Variants in NNT observed in about 807,000 individuals in gnomAD.
The protein encoded by NNT is nicotinamide nucleotide transhydrogenase.
NNT carries 50 observed loss-of-function variants against 104.8 expected under a neutral mutation model. The observed-to-expected ratio is 0.48, with a 90% CI of 0.38 to 0.60. The LOEUF (loss-of-function observed/expected upper bound fraction) is 0.60. Ranked by LOEUF, NNT falls within the 20% of genes least tolerant of loss-of-function variation. The probability of loss-of-function intolerance (pLI) is 0.00; values close to 1 mark genes in which losing one functional copy is unlikely to be tolerated. For synonymous variants in NNT, 461 were observed against 490.4 expected (o/e 0.94, Z 0.79); for missense variants, 1,131 against 1,330.7 (o/e 0.85, Z 2.33).
intron 9 of NNT, 106 bp from the exon 10 acceptor site, chr5:43,645,251 A>C (rs1739321146): frequency 5.4e-6 from 3 of 551,778 alleles, no homozygotes; most frequent in South Asian, 6.6e-5. Context: ...TATTTACATA[A>C]AATTATATTT....
chr5:43,610,365 C>T (rs77242286), intron 2 of NNT, among the ~76,000 whole-genome samples: 3,491 of 152,180 alleles, frequency 0.023, 56 homozygotes, highest in Non-Finnish European at 0.033. Flanking sequence ...GTCACTTCAC[C>T]TCACTGTCCA....
At chr5:43,702,476 G>T in intron 20 of NNT, 145 bp from the exon 21 acceptor site, 1 of 529,032 alleles carries the variant, frequency 1.9e-6, no homozygotes, top group African/African-American at 2.0e-5. Context: ...CTCTGATAAA[G>T]TTCTTTGTAA....
At chr5:43,663,461 A>G (rs1447037748) in intron 17 of NNT, among the ~76,000 whole-genome samples, 2 of 152,210 alleles carry the variant, frequency 1.3e-5, no homozygotes, top group African/African-American at 4.8e-5. Flanking sequence ...CAAGCCTGTC[A>G]TATTTTTCGA....
At chr5:43,645,531 G>T in intron 10 of NNT, 21 bp downstream of exon 10, 2 of 1,436,510 alleles carry the variant, frequency 1.4e-6, no homozygotes, top group East Asian at 2.7e-5. Flanking sequence ...CATTTACCAG[G>T]GTTTAGTCTT....
intron 7 of NNT, among the ~76,000 whole-genome samples, chr5:43,634,477 C>T (rs1232501666): frequency 6.6e-6 from 1 of 152,122 alleles, no homozygotes; most frequent in Admixed American, 6.5e-5. Context: ...ATTCTGTATG[C>T]ATTATGATCA....
intron 19 of NNT, among the ~76,000 whole-genome samples, chr5:43,691,904 T>C (rs1742304506): frequency 6.6e-6 from 1 of 152,232 alleles, no homozygotes; most frequent in Admixed American, 6.5e-5. Flanking sequence ...TAAAATATTG[T>C]CAGTACCTGT....
chr5:43,622,866 T>A (rs1378899126), intron 5 of NNT, among the ~76,000 whole-genome samples: 1 of 122,172 alleles, frequency 8.2e-6, no homozygotes, highest in Non-Finnish European at 1.8e-5. Context: ...TAAATTATGG[T>A]TTTTTTTTTT....
At chr5:43,651,960 C>A in intron 13 of NNT, 76 bp downstream of exon 13, 1 of 1,468,216 alleles carries the variant, frequency 6.8e-7, no homozygotes, top group Non-Finnish European at 9.4e-7. Flanking sequence ...GTTAGTTATC[C>A]TAATTCAAAG....
At chr5:43,688,976 A>G (rs990160254) in intron 19 of NNT, among the ~76,000 whole-genome samples, 4 of 152,356 alleles carry the variant, frequency 2.6e-5, no homozygotes, top group African/African-American at 7.2e-5. Context: ...CACACTGTTT[A>G]CCATAGTGTA....
At chr5:43,693,712 A>T (rs1435567866) in intron 19 of NNT, among the ~76,000 whole-genome samples, 1 of 152,210 alleles carries the variant, frequency 6.6e-6, no homozygotes, top group Non-Finnish European at 1.5e-5. Context: ...AGAATTAAAA[A>T]AAAATTAACT....
At chr5:43,606,117 G>C (rs1749214736) in intron 1 of NNT, among the ~76,000 whole-genome samples, 1 of 152,160 alleles carries the variant, frequency 6.6e-6, no homozygotes, top group Non-Finnish European at 1.5e-5. Flanking sequence ...CAGTAAGTGA[G>C]TGGCAGATTT....
intron 16 of NNT, among the ~76,000 whole-genome samples, chr5:43,658,732 C>T (rs1740191453): frequency 6.6e-6 from 1 of 152,186 alleles, no homozygotes; most frequent in Admixed American, 6.5e-5. Flanking sequence ...TATTACTTTC[C>T]AGCTGCCTTA....
At chr5:43,669,754 T>G (rs1406319235) in intron 17 of NNT, among the ~76,000 whole-genome samples, 1 of 152,208 alleles carries the variant, frequency 6.6e-6, no homozygotes, top group Non-Finnish European at 1.5e-5. Context: ...TTTTTTGTTG[T>G]GTCTCTGTCA....
chr5:43,622,769 C>CT (rs1357172885), intron 5 of NNT, among the ~76,000 whole-genome samples: 2 of 152,068 alleles, frequency 1.3e-5, no homozygotes, highest in African/African-American at 2.4e-5. Context: ...CTCTTACTCA[C>CT]TGTGTCTTTT....
At chr5:43,700,086 G>A (rs1475081136) in intron 19 of NNT, 33 bp from the exon 20 acceptor site, 1 of 1,559,084 alleles carries the variant, frequency 6.4e-7, no homozygotes, top group Non-Finnish European at 8.8e-7. Flanking sequence ...GTCCTGTCAA[G>A]TAAGGCCAGC....
intron 1 of NNT, among the ~76,000 whole-genome samples, chr5:43,606,285 C>T (rs1027885694): frequency 6.6e-6 from 1 of 152,194 alleles, no homozygotes; most frequent in Non-Finnish European, 1.5e-5. Flanking sequence ...GAGTAGGTCA[C>T]TCAGTAATGG....
At chr5:43,623,054 C>T (rs1750179412) in intron 5 of NNT, among the ~76,000 whole-genome samples, 1 of 151,906 alleles carries the variant, frequency 6.6e-6, no homozygotes, top group South Asian at 2.1e-4. Flanking sequence ...CTCTTTGCCC[C>T]ATTTCCTATA....
At chr5:43,659,942 G>A (rs1740267284) in intron 17 of NNT, among the ~76,000 whole-genome samples, 2 of 152,070 alleles carry the variant, frequency 1.3e-5, no homozygotes, top group South Asian at 2.1e-4. Flanking sequence ...GCATATCTGT[G>A]TATTTACTTG....
chr5:43,606,644 A>T (rs963629888), intron 1 of NNT, among the ~76,000 whole-genome samples: 9 of 152,160 alleles, frequency 5.9e-5, no homozygotes, highest in Non-Finnish European at 8.8e-5. Context: ...TTTTCATTTG[A>T]TTCTCTTCAT....
Sources: gnomAD v4.1 joint callset for allele counts (sites outside exome capture counted in the v4.1 genomes callset) on GRCh38, gnomAD v4.1.1 for gene constraint, MANE v1.5 for transcripts, NCBI Gene and HGNC (gene_info 2026-07-23, HGNC 2026-07-21) for gene names.